SPAG16: variants seen among roughly 807,000 people sequenced by gnomAD.
SPAG16 encodes the protein sperm-associated antigen 16 protein.
In SPAG16, 86 loss-of-function variants were observed where a neutral mutation model predicts 80.4. The ratio of observed to expected loss-of-function variants is 1.07; its 90% CI spans 0.90 to 1.28. SPAG16 has a LOEUF of 1.28. Among genes scored for constraint, SPAG16 ranks in the 50% most tolerant of loss-of-function variants. The pLI is 0.00. For synonymous variants in SPAG16, 294 were observed against 265.9 expected (o/e 1.11, Z -1.03); for missense variants, 870 against 765.3 (o/e 1.14, Z -1.61).
chr2:213,785,185 AC>A (rs894619837), intron 10 of SPAG16, among the ~76,000 whole-genome samples: 1 of 152,170 alleles, frequency 6.6e-6, no homozygotes, highest in African/African-American at 2.4e-5. Flanking sequence ...AACTACTTAG[AC>A]TTTTTTTACA....
intron 6 of SPAG16, among the ~76,000 whole-genome samples, chr2:213,346,826 T>C (rs1575295050): frequency 1.0e-5 from 1 of 99,732 alleles, no homozygotes; most frequent in African/African-American, 3.9e-5. Flanking sequence ...ATCAGGGATA[T>C]TGGTCTAAAA....
intron 14 of SPAG16, among the ~76,000 whole-genome samples, chr2:214,135,647 A>G (rs1254092155): frequency 6.6e-6 from 1 of 150,870 alleles, no homozygotes; most frequent in Admixed American, 6.6e-5. Flanking sequence ...GTGAGTTTCT[A>G]CTCTTATTTC....
chr2:213,790,920 G>A (rs940580472), intron 10 of SPAG16, among the ~76,000 whole-genome samples: 2 of 152,060 alleles, frequency 1.3e-5, no homozygotes, highest in Admixed American at 6.6e-5. Context: ...GCTGCTGCCT[G>A]AGTATTTTGC....
At chr2:214,362,721 G>C (rs1179648420) in intron 15 of SPAG16, among the ~76,000 whole-genome samples, 1 of 151,832 alleles carries the variant, frequency 6.6e-6, no homozygotes, top group Non-Finnish European at 1.5e-5. Context: ...ACCAAGCATA[G>C]TTCCAAGTTC....
In SPAG16 at chr2:213,792,980, G is replaced by A. The variant is rs554185100; in HGVS notation, c.1071-69505G>A. On this transcript the variant is annotated intron_variant, in intron 10 of 15. Transcript: ENST00000331683. Reference sequence around the variant, plus strand: ...CTCACTCTTGTCCCCAGGCTGGAGTGCAATGGCGTGATCTCACCTCACTGC... The same window carrying A: ...CTCACTCTTGTCCCCAGGCTGGAGTACAATGGCGTGATCTCACCTCACTGC... Among the ~76,000 whole-genome samples the A allele has an allele frequency of 2.6e-5, 4 of 151,686 alleles. No homozygotes were observed. The South Asian group carries it at 8.4e-4, about 32-fold the overall frequency.
At chr2:214,143,535 T>C (rs552616034) in intron 14 of SPAG16, among the ~76,000 whole-genome samples, 133 of 152,240 alleles carry the variant, frequency 8.7e-4, no homozygotes, top group African/African-American at 3.2e-3. Context: ...GATAAAGAAT[T>C]ATGCAAATGT....
chr2:213,696,408 T>C (rs2065155763), intron 10 of SPAG16, among the ~76,000 whole-genome samples: 1 of 152,110 alleles, frequency 6.6e-6, no homozygotes, highest in South Asian at 2.1e-4. Flanking sequence ...CGATGTCTTG[T>C]GGGTGGTAAA....
intron 15 of SPAG16, among the ~76,000 whole-genome samples, chr2:214,210,290 C>A (rs2058256495): frequency 6.6e-6 from 1 of 151,684 alleles, no homozygotes; most frequent in South Asian, 2.1e-4. Context: ...TGGATTTTTT[C>A]AATAAGTTTA....
At chr2:214,253,992 G>A (rs1337035025) in intron 15 of SPAG16, among the ~76,000 whole-genome samples, 1 of 152,098 alleles carries the variant, frequency 6.6e-6, no homozygotes, top group Admixed American at 6.6e-5. Flanking sequence ...GCAGTGGTTT[G>A]TAGTTCTCCT....
chr2:213,323,174 C>T (rs535215810), intron 5 of SPAG16, among the ~76,000 whole-genome samples: 1 of 152,320 alleles, frequency 6.6e-6, no homozygotes, highest in South Asian at 2.1e-4. Context: ...GGCGCGGTGG[C>T]TTACGCCTGT....
At chr2:213,828,973 C>T (rs1254035721) in intron 10 of SPAG16, among the ~76,000 whole-genome samples, 1 of 152,190 alleles carries the variant, frequency 6.6e-6, no homozygotes, top group Non-Finnish European at 1.5e-5. Flanking sequence ...ACTGCACTGG[C>T]TTAAACCTAA....
chr2:213,810,946 A>G (rs977574076), intron 10 of SPAG16, among the ~76,000 whole-genome samples: 4 of 152,134 alleles, frequency 2.6e-5, no homozygotes, highest in Non-Finnish European at 4.4e-5. Context: ...AGCCAGGACT[A>G]CTGTGAGGAT....
At chr2:213,433,180 C>G (rs556445323) in intron 9 of SPAG16, among the ~76,000 whole-genome samples, 1 of 152,314 alleles carries the variant, frequency 6.6e-6, no homozygotes, top group East Asian at 1.9e-4. Flanking sequence ...GAAGCAATCC[C>G]TCTAAGAACT....
At chr2:213,489,416 G>A (rs16850416) in intron 9 of SPAG16, among the ~76,000 whole-genome samples, 14,687 of 152,090 alleles carry the variant, frequency 0.097, 1,902 homozygotes, top group African/African-American at 0.29. Context: ...ATTCTAATAT[G>A]TGTGATTTGA....
chr2:214,352,073 A>C (rs12694326), intron 15 of SPAG16, among the ~76,000 whole-genome samples: 104,166 of 152,006 alleles, frequency 0.69, 40,408 homozygotes, highest in South Asian at 0.87. Flanking sequence ...AGGGGCAAAC[A>C]AGCTGCCTTG....
Position 213,548,846 on chromosome 2 carries a change from A to T in SPAG16, c.1070+58756A>T, listed in dbSNP as rs189082062. Among the ~76,000 whole-genome samples, 1,392 of 152,224 alleles carry T rather than the reference A, an allele frequency of 9.1e-3. 9 individuals are homozygous for T. The highest frequency in any genetic ancestry group is 0.014 in the Non-Finnish European group (963 of 68,000). On this transcript the variant is annotated intron_variant, in intron 10 of 15. Transcript: ENST00000331683. ...AAGTTTTGAATAAAAAATTATAAAA[A>T]CTGTTTTCATGCAAACTTTTGAAGG...
intron 1 of SPAG16, among the ~76,000 whole-genome samples, chr2:213,293,568 A>G (rs1586557): frequency 0.61 from 92,738 of 152,042 alleles, 29,017 homozygotes; most frequent in Middle Eastern, 0.74. Context: ...CACATGGGGA[A>G]GAACTGAGGT....
intron 13 of SPAG16, among the ~76,000 whole-genome samples, chr2:214,033,071 CT>C (rs2048501739): frequency 6.6e-6 from 1 of 152,074 alleles, no homozygotes; most frequent in Admixed American, 6.6e-5. Context: ...TATCGTTTTC[CT>C]GCAATTATTG....
intron 13 of SPAG16, among the ~76,000 whole-genome samples, chr2:214,086,771 G>T (rs2051795014): frequency 6.6e-6 from 1 of 152,062 alleles, no homozygotes; most frequent in South Asian, 2.1e-4. Context: ...ACTGCCCCTA[G>T]AAAGCATTAA....
Sources: allele counts gnomAD v4.1 joint callset (sites outside exome capture counted in the v4.1 genomes callset), GRCh38; gene constraint gnomAD v4.1.1; transcripts MANE v1.5; gene names NCBI Gene and HGNC (gene_info 2026-07-23, HGNC 2026-07-21).